The following AGAP1 variants were observed in gnomAD, a reference collection of about 807,000 sequenced individuals.
The protein encoded by AGAP1 is arf-GAP with GTPase, ANK repeat and PH domain-containing protein 1.
A neutral mutation model predicts 105.3 loss-of-function variants in AGAP1; 29 were observed. The ratio of observed to expected loss-of-function variants is 0.28; its 90% confidence interval spans 0.21 to 0.38. The LOEUF (loss-of-function observed/expected upper bound fraction) is 0.38, where lower values mean the gene tolerates loss of function less well. AGAP1 is among the 10% of genes least tolerant of loss of function. The probability of loss-of-function intolerance (pLI) is 1.00; values close to 1 mark genes in which losing one functional copy is unlikely to be tolerated. For missense variants in AGAP1, 998 were observed against 1,165.1 expected, an observed-to-expected ratio of 0.86 and a Z score of 2.09; for synonymous variants, 509 against 485.9, an observed-to-expected ratio of 1.05 and a Z score of -0.63.
At chr2:235,823,207 ACATAT>A (rs1288429277) in intron 9 of AGAP1, among the ~76,000 whole-genome samples, 1 of 152,170 alleles carries the variant, frequency 6.6e-6, no homozygotes, top group Non-Finnish European at 1.5e-5. Flanking sequence ...ATGATATGTA[ACATAT>A]CATTATGTAT....
In AGAP1 at chr2:236,128,787, T is replaced by C. The variant is rs2125995173; in HGVS notation, c.*4665T>C. On this transcript the variant is annotated 3_prime_UTR_variant, in exon 18 of 18. Coordinates refer to ENST00000304032, the MANE Select transcript of AGAP1 (RefSeq NM_001037131.3). This position sits in a 1 kb window ranked among gnomAD's most constrained non-coding sequence, Gnocchi z 5.9. ...GGTATGATCAGGCCTCAGCAACTACTCAGGAGGCAAAGGTGTTTGGAAAGC... is the reference window on the plus strand; with the variant it reads ...GGTATGATCAGGCCTCAGCAACTACCCAGGAGGCAAAGGTGTTTGGAAAGC... The C allele has an allele frequency of 6.6e-6, 1 of 152,208 alleles. No homozygotes were observed. The highest frequency in any genetic ancestry group is 2.4e-5 in the African/African-American group (1 of 41,528). 9.4% of individuals were successfully genotyped at this position (152,208 alleles called of 1,614,324 possible).
At chr2:235,952,191 G>C (rs1177292871) in intron 12 of AGAP1, among the ~76,000 whole-genome samples, 1 of 152,072 alleles carries the variant, frequency 6.6e-6, no homozygotes, top group African/African-American at 2.4e-5. Context: ...ATAATATCTA[G>C]TTTTCAAGCA....
At chr2:235,572,976 T>TTTCTTCTTCTTCTTCTTCTTCTTC (rs1172737406) in intron 1 of AGAP1, among the ~76,000 whole-genome samples, 3 of 104,074 alleles carry the variant, frequency 2.9e-5, no homozygotes, top group Non-Finnish European at 3.8e-5. Flanking sequence ...CTCCATCTTT[T>TTTCTTCTTCTTCTTCTTCTTCTTC]TTCTTCTTCT....
At chr2:235,512,630 C>T (rs895980098) in intron 1 of AGAP1, among the ~76,000 whole-genome samples, 1 of 152,120 alleles carries the variant, frequency 6.6e-6, no homozygotes, top group African/African-American at 2.4e-5. Flanking sequence ...TCAATCCATG[C>T]GCGTCCTCCC....
rs898091650 is a variant in AGAP1, at chr2:236,078,677, A to G, written c.2114+29396A>G. On this transcript the variant is annotated intron_variant, in intron 16 of 17. Transcript: ENST00000304032. This position sits in a 1 kb window ranked among gnomAD's most constrained non-coding sequence, Gnocchi z 5.3. The stretch of plus-strand genomic sequence containing the variant: ...TCTTGACTCCAGATGGGTTTCACAC[A>G]CGTCTGTCCCCTACCTGGCTCCTGT... Among the ~76,000 whole-genome samples the G allele has an allele frequency of 2.6e-5, 4 of 152,158 alleles. No individual in the cohort carries two copies. Among genetic ancestry groups the G allele is most frequent in the African/African-American group, 9.7e-5 (4 of 41,440 alleles).
In AGAP1 at chr2:236,114,970, C is replaced by T. The variant is rs192322230; in HGVS notation, c.2115-5222C>T. On this transcript the variant is annotated intron_variant, in intron 16 of 17. Transcript: ENST00000304032. The surrounding 1 kb of genome is among the most constrained non-coding windows in gnomAD (Gnocchi z 5.0). ...AGAGTCTCAGGATCCTCTGCACCCT[C>T]GGGGGAGCTCACAAGATGCCAGCAG... is the stretch of plus-strand genomic sequence containing the variant. 5.3e-4 allele frequency among the ~76,000 whole-genome samples: 80 copies of T among 152,280 alleles called. No individual in the cohort carries two copies. The highest frequency in any genetic ancestry group is 1.9e-3 in the African/African-American group (77 of 41,552).
intron 6 of AGAP1, among the ~76,000 whole-genome samples, chr2:235,784,040 G>A (rs984113901): frequency 6.6e-6 from 1 of 152,136 alleles, no homozygotes; most frequent in Admixed American, 6.5e-5. Flanking sequence ...GTAGCAACAT[G>A]TTACAATTAT....
chr2:236,029,730 T>C (rs920288136), intron 13 of AGAP1, among the ~76,000 whole-genome samples: 13 of 152,122 alleles, frequency 8.5e-5, no homozygotes, highest in Non-Finnish European at 1.3e-4. Flanking sequence ...TCCTTTCTTT[T>C]CTTCTCTGCT....
At position 235,691,876 on chromosome 2, in the gene AGAP1, C is replaced by A. The variant is rs1949749369; in HGVS notation, c.164-17303C>A. 6.6e-6 allele frequency among the ~76,000 whole-genome samples: 1 copy of A among 152,194 alleles called. No homozygotes were observed. Among genetic ancestry groups the A allele is most frequent in the Non-Finnish European group, 1.5e-5 (1 of 68,046 alleles). ...GGCCAGTGACATCCAGGAGAGGGAA[C>A]TTAGAGGCAAGGCAGGGATGCAAAA... On this transcript the variant is annotated intron_variant, in intron 1 of 17. Coordinates refer to ENST00000304032, the MANE Select transcript of AGAP1 (RefSeq NM_001037131.3). This position sits in a 1 kb window ranked among gnomAD's most constrained non-coding sequence, Gnocchi z 4.4.
rs534050201 is a variant in AGAP1, at chr2:235,506,260, G to T, written c.163+11411G>T. ...TTTATTTATTTATTTATTTAGCTCGGGTTTCAATATTTTAAAAAATTTGAA... is the reference window on the plus strand; with the variant it reads ...TTTATTTATTTATTTATTTAGCTCGTGTTTCAATATTTTAAAAAATTTGAA... On this transcript the variant is annotated intron_variant, in intron 1 of 17. Transcript: ENST00000304032. Among the ~76,000 whole-genome samples the T allele has an allele frequency of 1.1e-3, 169 of 152,094 alleles. 3 individuals carry two copies. The highest frequency in any genetic ancestry group is 3.9e-3 in the African/African-American group (161 of 41,500).
intron 12 of AGAP1, among the ~76,000 whole-genome samples, chr2:235,949,728 G>A (rs1356781578): frequency 6.6e-6 from 1 of 152,132 alleles, no homozygotes; most frequent in Non-Finnish European, 1.5e-5. Flanking sequence ...AGCAAAACAT[G>A]AGTTGGTCCA....
rs569120527 is a variant in AGAP1, at chr2:236,082,274, G to A, written c.2114+32993G>A. Among the ~76,000 whole-genome samples the A allele has an allele frequency of 3.9e-5, 6 of 152,306 alleles. No individual in the cohort carries two copies. The South Asian group carries it at 1.2e-3, about 32-fold the overall frequency. On this transcript the variant is annotated intron_variant, in intron 16 of 17. Coordinates refer to ENST00000304032, the MANE Select transcript of AGAP1 (RefSeq NM_001037131.3). This position sits in a 1 kb window ranked among gnomAD's most constrained non-coding sequence, Gnocchi z 4.2. ...GAAGTTATAGATGCAGATATTATTT[G>A]CACTGCGGTTAATTATGGAGCAATC...
chr2:235,516,055 T>TCTGCTGCTGCTGCTGCTG (rs112761133), intron 1 of AGAP1, among the ~76,000 whole-genome samples: 46 of 138,710 alleles, frequency 3.3e-4, no homozygotes, highest in African/African-American at 1.0e-3. Flanking sequence ...CATGGGCTCC[T>TCTGCTGCTGCTGCTGCTG]CTGCTGCTGC....
Position 235,690,237 on chromosome 2 carries a change from A to G in AGAP1, c.164-18942A>G, listed in dbSNP as rs1050669041. Among the ~76,000 whole-genome samples, 1 of 151,874 alleles carries G rather than the reference A, an allele frequency of 6.6e-6. No homozygotes were observed. The highest frequency in any genetic ancestry group is 2.4e-5 in the African/African-American group (1 of 41,348). On this transcript the variant is annotated intron_variant, in intron 1 of 17. Coordinates refer to ENST00000304032, the MANE Select transcript of AGAP1 (RefSeq NM_001037131.3). The surrounding 1 kb of genome is among the most constrained non-coding windows in gnomAD (Gnocchi z 4.1). ...CAGAGAACTTTAGTACACAGTCTTA[A>G]ACAACCCTGGAATGTTGAGCTAAAA...
chr2:235,833,173 C>T (rs1013332892), intron 9 of AGAP1, among the ~76,000 whole-genome samples: 4 of 152,220 alleles, frequency 2.6e-5, no homozygotes, highest in East Asian at 1.9e-4. Context: ...GTGCTGCAGG[C>T]GCTCTCCATT....
chr2:236,030,513 G>C (rs1264829994), intron 13 of AGAP1, among the ~76,000 whole-genome samples: 1 of 152,170 alleles, frequency 6.6e-6, no homozygotes, highest in African/African-American at 2.4e-5. Context: ...CTGGACCCTG[G>C]GTTTATGTTT....
At position 235,662,485 on chromosome 2, in the gene AGAP1, A is replaced by G. The variant is rs184464074; in HGVS notation, c.164-46694A>G. ...TCCCAATTTAGTTTATCATTCCCCT[A>G]CTTGGTCTGTCTGCCTTCATGGAAG... On this transcript the variant is annotated intron_variant, in intron 1 of 17. Transcript: ENST00000304032. This position sits in a 1 kb window ranked among gnomAD's most constrained non-coding sequence, Gnocchi z 4.2. Among the ~76,000 whole-genome samples, 1 of 145,976 alleles carries G rather than the reference A, an allele frequency of 6.9e-6. No individual in the cohort carries two copies. Among genetic ancestry groups the G allele is most frequent in the Non-Finnish European group, 1.5e-5 (1 of 66,540 alleles).
At position 235,664,753 on chromosome 2, in the gene AGAP1, C is replaced by T. The variant is rs529958097; in HGVS notation, c.164-44426C>T. On this transcript the variant is annotated intron_variant, in intron 1 of 17. Transcript: ENST00000304032. The surrounding 1 kb of genome is among the most constrained non-coding windows in gnomAD (Gnocchi z 5.7). ...GAAAGGAGTCTGGGCCTGAATCTCC[C>T]GTGTTCCTCATGCATGGGTAGAACT... Among the ~76,000 whole-genome samples the T allele has an allele frequency of 3.3e-5, 5 of 152,204 alleles. No homozygotes were observed. The highest frequency in any genetic ancestry group is 1.3e-4 in the Admixed American group (2 of 15,278).
intron 9 of AGAP1, among the ~76,000 whole-genome samples, chr2:235,831,196 A>C (rs78772776): frequency 0.16 from 23,934 of 151,552 alleles, 2,298 homozygotes; most frequent in South Asian, 0.26. Context: ...AAAAAAAAAA[A>C]AAAAAACAGT....
Sources: allele counts gnomAD v4.1 joint callset (sites outside exome capture counted in the v4.1 genomes callset), GRCh38; gene constraint gnomAD v4.1.1; non-coding constraint Gnocchi (gnomAD v3.1); transcripts MANE v1.5; gene names NCBI Gene and HGNC (gene_info 2026-07-23, HGNC 2026-07-21).